The following TMCO5A variants were observed in gnomAD, a reference collection of about 807,000 sequenced individuals.
TMCO5A encodes the protein transmembrane and coiled-coil domain-containing protein 5A.
A neutral mutation model predicts 42.3 loss-of-function variants in TMCO5A; 34 were observed. The ratio of observed to expected loss-of-function variants is 0.80; its 90% CI spans 0.61 to 1.07. TMCO5A has a LOEUF of 1.07. Ranked by LOEUF, TMCO5A falls within the 50% of genes least tolerant of loss-of-function variation. TMCO5A has a pLI of 0.00. For missense variants in TMCO5A, 357 were observed against 327.9 expected, an observed-to-expected ratio of 1.09 and a Z score of -0.69; for synonymous variants, 131 against 115.6, an observed-to-expected ratio of 1.13 and a Z score of -0.86.
chr15:37,980,314 G>A, the TMCO5A span, among the ~76,000 whole-genome samples: 2 of 152,296 alleles, frequency 1.3e-5, no homozygotes, highest in South Asian at 2.1e-4. Context: ...GCTGGTGCCA[G>A]GGTGCCCAGG....
intron 5 of TMCO5A, 22 bp downstream of exon 5, chr15:37,937,418 C>T: frequency 8.7e-6 from 14 of 1,612,494 alleles, no homozygotes; most frequent in Non-Finnish European, 1.2e-5. Flanking sequence ...TACTTGTGTT[C>T]TCCAGTGCCC....
At chr15:37,947,371 T>G (rs983271217) in intron 10 of TMCO5A, among the ~76,000 whole-genome samples, 2 of 152,030 alleles carry the variant, frequency 1.3e-5, no homozygotes, top group African/African-American at 2.4e-5. Context: ...GTATCCAGGT[T>G]CCAGGCCCCA....
the TMCO5A span, among the ~76,000 whole-genome samples, chr15:37,975,325 G>A: frequency 6.6e-6 from 1 of 152,136 alleles, no homozygotes; most frequent in African/African-American, 2.4e-5. Flanking sequence ...ATCTAATACT[G>A]TCAGTGGGGT....
chr15:37,936,290 T>A, intron 2 of TMCO5A, 24 bp from the exon 3 acceptor site: 3 of 1,592,622 alleles, frequency 1.9e-6, no homozygotes, highest in Non-Finnish European at 1.7e-6. Flanking sequence ...TGGCCCTTGT[T>A]CATTTTGGGG....
At chr15:37,987,842 G>A in the TMCO5A span, among the ~76,000 whole-genome samples, 28 of 151,618 alleles carry the variant, frequency 1.8e-4, no homozygotes, top group Admixed American at 9.9e-4. Context: ...GCTATTTATC[G>A]TCTCTTAAGA....
chr15:37,978,897 G>A, the TMCO5A span, among the ~76,000 whole-genome samples: 2 of 152,168 alleles, frequency 1.3e-5, no homozygotes, highest in South Asian at 4.1e-4. Flanking sequence ...AGGCAAAGCA[G>A]GAGCAGGCAT....
chr15:37,981,200 CA>C, the TMCO5A span, among the ~76,000 whole-genome samples: 14,904 of 65,394 alleles, frequency 0.23, 384 homozygotes, highest in African/African-American at 0.28. Context: ...AGAAAGCCAG[CA>C]AAAAAAAAAA....
intron 11 of TMCO5A, among the ~76,000 whole-genome samples, chr15:37,966,043 GTACATC>G (rs1469700443): frequency 6.6e-6 from 1 of 151,814 alleles, no homozygotes; most frequent in Admixed American, 6.6e-5. Flanking sequence ...AGAAAATATG[GTACATC>G]TACACAATAG....
the TMCO5A span, among the ~76,000 whole-genome samples, chr15:37,985,351 T>C: frequency 1.3e-5 from 2 of 152,186 alleles, no homozygotes; most frequent in African/African-American, 4.8e-5. Flanking sequence ...CCCTGGGTTG[T>C]TTTATTGGAT....
intron 3 of TMCO5A, 91 bp from the exon 4 acceptor site, chr15:37,936,756 C>T (rs1265362335): frequency 7.2e-6 from 11 of 1,531,380 alleles, no homozygotes; most frequent in South Asian, 2.4e-5. Context: ...TGTACACTGT[C>T]CCTGAAGTTC....
intron 7 of TMCO5A, 95 bp downstream of exon 7, chr15:37,941,300 G>T: frequency 1.5e-6 from 2 of 1,297,282 alleles, no homozygotes; most frequent in South Asian, 1.3e-5. Context: ...TTTACATTAA[G>T]GTTCCAGATC....
At chr15:38,026,180 TAGA>T in the TMCO5A span, among the ~76,000 whole-genome samples, 1 of 152,288 alleles carries the variant, frequency 6.6e-6, no homozygotes, top group Non-Finnish European at 1.5e-5. Context: ...TTTGAGGGCT[TAGA>T]AGAAGAAAGG....
intron 11 of TMCO5A, among the ~76,000 whole-genome samples, chr15:37,961,611 G>A: frequency 6.6e-6 from 1 of 151,914 alleles, no homozygotes; most frequent in Admixed American, 6.6e-5. Context: ...CATTCAATTT[G>A]TAGATTGCTT....
chr15:37,999,132 C>G, the TMCO5A span, among the ~76,000 whole-genome samples: 1 of 152,186 alleles, frequency 6.6e-6, no homozygotes, highest in Non-Finnish European at 1.5e-5. Context: ...TCTTGACCTC[C>G]CGACCTCAGG....
intron 11 of TMCO5A, among the ~76,000 whole-genome samples, chr15:37,958,128 AT>A (rs1336447952): frequency 4.6e-5 from 7 of 152,224 alleles, no homozygotes; most frequent in African/African-American, 1.7e-4. Context: ...ACCTAAAACC[AT>A]AAAAACCCTA....
chr15:37,945,276 T>C lies in TMCO5A; in HGVS notation c.627+1878T>C, dbSNP rs530545132. 1.1e-4 allele frequency among the ~76,000 whole-genome samples: 16 copies of C among 152,294 alleles called. No individual in the cohort carries two copies. The East Asian group carries it at 1.2e-3, about 11-fold the overall frequency. On this transcript the variant is annotated intron_variant, in intron 10 of 11. Coordinates refer to ENST00000319669, the MANE Select transcript of TMCO5A (RefSeq NM_152453.4). ...CACATATTCTTTATCCAGTCTATCA[T>C]TGATGGGCACTTAGGTTGATTCCAT... is the stretch of plus-strand genomic sequence containing the variant.
At chr15:38,005,837 T>C in the TMCO5A span, among the ~76,000 whole-genome samples, 1 of 152,192 alleles carries the variant, frequency 6.6e-6, no homozygotes, top group Non-Finnish European at 1.5e-5. Context: ...AGACTCCCTG[T>C]GCAGCAGGGA....
chr15:37,964,674 C>T (rs1043485799), intron 11 of TMCO5A, among the ~76,000 whole-genome samples: 1 of 151,750 alleles, frequency 6.6e-6, no homozygotes, highest in Non-Finnish European at 1.5e-5. Context: ...ATCATAGCCA[C>T]AAATAAAATT....
At chr15:37,971,960 T>C (rs1312455622), downstream of TMCO5A, among the ~76,000 whole-genome samples, 3 of 152,302 alleles carry the variant, frequency 2.0e-5, no homozygotes, top group South Asian at 2.1e-4. Context: ...TCCAAACTGT[T>C]CCAACCTCTG....
Sources: allele counts gnomAD v4.1 joint callset (sites outside exome capture counted in the v4.1 genomes callset), GRCh38; gene constraint gnomAD v4.1.1; transcripts MANE v1.5; gene names NCBI Gene and HGNC (gene_info 2026-07-23, HGNC 2026-07-21).